The following IMPDH1 variants were observed in gnomAD, a reference collection of about 807,000 sequenced individuals.
IMPDH1 encodes the protein inosine monophosphate dehydrogenase 1.
IMPDH1 carries 41 observed loss-of-function variants against 73.5 expected under a neutral mutation model. The ratio of observed to expected loss-of-function variants is 0.56; its 90% CI spans 0.43 to 0.72. The LOEUF is 0.72. Among genes scored for constraint, IMPDH1 ranks in the 30% least tolerant of loss-of-function variants. The pLI is 0.00. For synonymous variants in IMPDH1, 318 were observed against 334.3 expected, an observed-to-expected ratio of 0.95 and a Z score of 0.53; for missense variants, 645 against 824.8, an observed-to-expected ratio of 0.78 and a Z score of 2.67.
intron 12 of IMPDH1, 121 bp from the exon 13 acceptor site, chr7:128,395,395 G>T: frequency 8.3e-7 from 1 of 1,202,932 alleles, no homozygotes; most frequent in Non-Finnish European, 1.2e-6. Flanking sequence ...GGACAGGGCT[G>T]GATGGTGTGT....
rs909438692 is a variant in IMPDH1 at position 128,396,925 on chromosome 7, C to T, written c.1165+7G>A. Reference sequence around the variant, plus strand: ...AGCAGGCGGGTGGGAGGCGACCCCGCACTCACCGTTCCCCCCAATCACCTG... The same window carrying T: ...AGCAGGCGGGTGGGAGGCGACCCCGTACTCACCGTTCCCCCCAATCACCTG... On this transcript the variant is annotated splice_region_variant and intron_variant, in intron 11 of 16. Transcript: ENST00000338791. This position sits in a 1 kb window ranked among gnomAD's most constrained non-coding sequence, Gnocchi z 4.0. The T allele has an allele frequency of 6.2e-6, 10 of 1,608,010 alleles. No homozygotes were observed. The highest frequency in any genetic ancestry group is 8.5e-6 in the Non-Finnish European group (10 of 1,174,960).
chr7:128,403,840 G>T, intron 4 of IMPDH1, 86 bp from the exon 5 acceptor site: 2 of 1,219,258 alleles, frequency 1.6e-6, no homozygotes, highest in South Asian at 1.2e-5. Flanking sequence ...GGCAGCAGGG[G>T]GGTACAGAAA....
chr7:128,392,290 G>C lies in IMPDH1; in HGVS notation c.*717C>G, dbSNP rs1451793287. 1.3e-5 allele frequency: 2 copies of C among 152,880 alleles called. No individual in the cohort carries two copies. The highest frequency in any genetic ancestry group is 2.9e-5 in the Non-Finnish European group (2 of 68,258). The allele number at this position is 152,880 out of a possible 1,614,324, so 9.5% of individuals were successfully genotyped here. A position where few individuals can be genotyped will look rare whatever the true frequency, so the allele number is the denominator to read the frequency against. ...ATACAGACAGGATAGTGGAGGCGTTGAGACCTGCTTGATTTATTCCAAGTA... is the reference window on the plus strand; with the variant it reads ...ATACAGACAGGATAGTGGAGGCGTTCAGACCTGCTTGATTTATTCCAAGTA... On this transcript the variant is annotated 3_prime_UTR_variant, in exon 17 of 17. Transcript: ENST00000338791.
Position 128,394,378 on chromosome 7 carries a change from T to C in IMPDH1, c.1695-17A>G. 2.5e-6 allele frequency: 4 copies of C among 1,613,576 alleles called. No individual in the cohort carries two copies. Among genetic ancestry groups the C allele is most frequent in the Non-Finnish European group, 3.4e-6 (4 of 1,179,718 alleles). ...ATCATGGACCTAGGAGGAAGGTAGG[T>C]GGAGCAGATCAGGGCCACCAAGGGT... On this transcript the variant is annotated splice_polypyrimidine_tract_variant and intron_variant, in intron 15 of 16. Coordinates refer to ENST00000338791, the MANE Select transcript of IMPDH1 (RefSeq NM_000883.4). The surrounding 1 kb of genome is among the most constrained non-coding windows in gnomAD (Gnocchi z 5.5).
rs760603000 is a variant in IMPDH1, at chr7:128,394,278, G to A, written c.1778C>T (p.Ser593Phe). The change falls in exon 16 of 17, where the codon TCT becomes TTT. Residue 593 changes from serine (S) to phenylalanine (F), a missense_variant and splice_region_variant. Ser to Phe is a radical substitution (Grantham distance 155). Around this residue, in one of 2 missense-constraint regions of IMPDH1, gnomAD observed 459 missense variants for 638.2 expected, o/e 0.72. Transcript: ENST00000338791. The surrounding 1 kb of genome is among the most constrained non-coding windows in gnomAD (Gnocchi z 5.5). ...QIEGGVHGLH[S>F]YEKRLY ...ACAGCAAGGAGGCCACCACACTTACGAGTGCAGGCCATGGACACCACCCTC... is the reference window on the plus strand; with the variant it reads ...ACAGCAAGGAGGCCACCACACTTACAAGTGCAGGCCATGGACACCACCCTC... 58 of 1,613,236 alleles carry A rather than the reference G, an allele frequency of 3.6e-5. No individual in the cohort carries two copies. The highest frequency in any genetic ancestry group is 2.0e-4 in the South Asian group (18 of 91,080).
chr7:128,404,048 G>T (rs538594484), intron 4 of IMPDH1, among the ~76,000 whole-genome samples: 1 of 152,240 alleles, frequency 6.6e-6, no homozygotes, highest in Non-Finnish European at 1.5e-5. Flanking sequence ...TTTGTCAAGC[G>T]ACACAGAAGT....
At chr7:128,399,767 A>G (rs879906762) in intron 9 of IMPDH1, among the ~76,000 whole-genome samples, 11 of 152,206 alleles carry the variant, frequency 7.2e-5, no homozygotes, top group Admixed American at 2.6e-4. Context: ...TAACTGCAGG[A>G]CTTCTGAGAG....
At chr7:128,397,852 C>T (rs1173745047) in intron 10 of IMPDH1, among the ~76,000 whole-genome samples, 2 of 152,124 alleles carry the variant, frequency 1.3e-5, no homozygotes, top group South Asian at 2.1e-4. Flanking sequence ...AAAACTGTGT[C>T]TGATAGCCAA....
intron 5 of IMPDH1, among the ~76,000 whole-genome samples, chr7:128,402,712 G>GT (rs905543550): frequency 9.2e-4 from 137 of 148,162 alleles, no homozygotes; most frequent in Admixed American, 3.5e-3. Flanking sequence ...GAAAAGAAAT[G>GT]TTTTTTTTTT....
Position 128,409,447 on chromosome 7 carries a change from G to T in IMPDH1, c.184C>A (p.Arg62Ser), listed in dbSNP as rs926912595. The change falls in exon 2 of 17, where the codon CGT becomes AGT. Residue 62 changes from arginine (R) to serine (S), a missense_variant. Physicochemically the swap from Arg to Ser is moderately radical, Grantham distance 110. Transcript: ENST00000338791. ...LDLATHPTTP[R>S]SELSSVVLLA... Reference sequence around the variant, plus strand: ...CCCCAGGAGTTGGAGCCACCTGAACGGGGTGTCGTCGGGTGTGTAGCGAGG... The same window carrying T: ...CCCCAGGAGTTGGAGCCACCTGAACTGGGTGTCGTCGGGTGTGTAGCGAGG... The T allele has an allele frequency of 6.2e-7, 1 of 1,614,202 alleles. No individual in the cohort carries two copies. Among genetic ancestry groups the T allele is most frequent in the Non-Finnish European group, 8.5e-7 (1 of 1,180,012 alleles).
At position 128,392,885 on chromosome 7, in the gene IMPDH1, TG is replaced by T; in HGVS notation, c.*121del. 1.0e-6 allele frequency: 1 copy of T among 978,192 alleles called. No individual in the cohort carries two copies. Among genetic ancestry groups the T allele is most frequent in the Non-Finnish European group, 1.6e-6 (1 of 616,406 alleles). 60.6% of individuals were successfully genotyped at this position (978,192 alleles called of 1,614,324 possible). On this transcript the variant is annotated 3_prime_UTR_variant, in exon 17 of 17. Transcript: ENST00000338791. ...CTCAGGACCTCCCCTCCTCTCTGCC[TG>T]GAAAGGAGCTGGAGAACCCGTAGTG... is the stretch of plus-strand genomic sequence containing the variant.
chr7:128,400,625 G>T, intron 7 of IMPDH1, 86 bp from the exon 8 acceptor site: 1 of 1,371,516 alleles, frequency 7.3e-7, no homozygotes, highest in Non-Finnish European at 1.0e-6. Context: ...GGATGCAGCT[G>T]TGCTGCAGAG....
chr7:128,405,682 C>T (rs1340852704), intron 4 of IMPDH1, 85 bp downstream of exon 4: 7 of 1,472,566 alleles, frequency 4.8e-6, no homozygotes, highest in South Asian at 1.3e-5. Context: ...CAGGGAACGC[C>T]GGGGGAGCCG....
Position 128,395,005 on chromosome 7 carries a change from A to C in IMPDH1, c.1434T>G (p.Thr478=). 1 of 1,614,000 alleles carries C rather than the reference A, an allele frequency of 6.2e-7. No homozygotes were observed. Among genetic ancestry groups the C allele is most frequent in the Non-Finnish European group, 8.5e-7 (1 of 1,180,014 alleles). ...AGAAGTACTCGCCAGGGGCCTCCGTAGTGGCGGCCAGCAGGGAGCCCATCA... is the reference window on the plus strand; with the variant it reads ...AGAAGTACTCGCCAGGGGCCTCCGTCGTGGCGGCCAGCAGGGAGCCCATCA... ...TVMMGSLLAA[T]TEAPGEYFFS... is the part of the protein sequence containing the mutation. Residue 478 remains threonine (T), a synonymous_variant, in exon 14 of 17, where the codon ACT becomes ACG. Transcript: ENST00000338791.
In IMPDH1 at chr7:128,405,821, T is replaced by C; in HGVS notation, c.299A>G (p.Glu100Gly). Residue 100 changes from glutamate to glycine, a missense_variant, in exon 4 of 17, where the codon GAG becomes GGG. Around this residue, in one of 2 missense-constraint regions of IMPDH1, gnomAD observed 186 missense variants for 186.6 expected, o/e 1.00. Coordinates refer to ENST00000338791, the MANE Select transcript of IMPDH1 (RefSeq NM_000883.4). ...LISGGTGYVP[E>G]DGLTAQQLFA... is the part of the protein sequence containing the mutation. ...GAGCTGCTGCGCGGTGAGCCCATCC[T>C]CGGGCACGTAGCCGGTGCCGCCGCT... 6.5e-7 allele frequency: 1 copy of C among 1,541,460 alleles called. No homozygotes were observed. Among genetic ancestry groups the C allele is most frequent in the Non-Finnish European group, 8.7e-7 (1 of 1,145,508 alleles).
At chr7:128,393,102 G>A in intron 16 of IMPDH1, 74 bp from the exon 17 acceptor site, 1 of 1,516,848 alleles carries the variant, frequency 6.6e-7, no homozygotes, top group Non-Finnish European at 9.2e-7. Flanking sequence ...CCTTTCCCCA[G>A]GGCCCCCAGA....
chr7:128,394,553 G>A lies in IMPDH1; in HGVS notation c.1597C>T (p.Gln533Ter). Residue 533 changes from glutamine (Q) to a stop codon, truncating the protein, a stop_gained, in exon 15 of 17, where the codon CAG becomes TAG. Transcript: ENST00000338791. LOFTEE classifies it high-confidence loss of function. This position sits in a 1 kb window ranked among gnomAD's most constrained non-coding sequence, Gnocchi z 5.5. ...KIAQGVSGSI[Q>*]DKGSIQKFVP... is the part of the protein sequence containing the mutation. Reference sequence around the variant, plus strand: ...AACTTCTGAATGGATCCTTTGTCCTGGATGGAGCCCGAGACACCCTGCGCG... The same window carrying A: ...AACTTCTGAATGGATCCTTTGTCCTAGATGGAGCCCGAGACACCCTGCGCG... The A allele has an allele frequency of 1.2e-6, 2 of 1,613,848 alleles. No individual in the cohort carries two copies. Among genetic ancestry groups the A allele is most frequent in the South Asian group, 1.1e-5 (1 of 91,080 alleles).
chr7:128,409,452 G>A lies in IMPDH1; in HGVS notation c.179C>T (p.Thr60Ile), dbSNP rs964511377. The change falls in exon 2 of 17, where the codon ACA becomes ATA. Residue 60 changes from threonine to isoleucine, a missense_variant. Transcript: ENST00000338791. ...GGAGTTGGAGCCACCTGAACGGGGT[G>A]TCGTCGGGTGTGTAGCGAGGTCCAA... ...PRLDLATHPT[T>I]PRSELSSVVL... 7 of 1,614,228 alleles carry A rather than the reference G, an allele frequency of 4.3e-6. No individual in the cohort carries two copies. The highest frequency in any genetic ancestry group is 5.1e-6 in the Non-Finnish European group (6 of 1,180,032).
At chr7:128,408,118 G>A (rs11766548) in intron 3 of IMPDH1, among the ~76,000 whole-genome samples, 11,410 of 152,222 alleles carry the variant, frequency 0.075, 457 homozygotes, top group South Asian at 0.12. Flanking sequence ...GTCGGCCTCC[G>A]AAGCCGAGGA....
Sources: gnomAD v4.1 joint callset for allele counts (sites outside exome capture counted in the v4.1 genomes callset) on GRCh38, gnomAD v4.1.1 for gene constraint, gnomAD v4.1.1 regional missense constraint, Gnocchi (gnomAD v3.1) non-coding constraint, MANE v1.5 for transcripts, NCBI Gene and HGNC (gene_info 2026-07-23, HGNC 2026-07-21) for gene names.